Variants in ANKRD44 observed in about 807,000 individuals in gnomAD.
ANKRD44 encodes the protein serine/threonine-protein phosphatase 6 regulatory ankyrin repeat subunit B.
Under a neutral mutation model 116.0 loss-of-function variants are expected in ANKRD44, and 35 were observed. The ratio of observed to expected loss-of-function variants is 0.30; its 90% CI spans 0.23 to 0.40. ANKRD44 has a LOEUF of 0.40. Ranked by LOEUF, ANKRD44 falls within the 10% of genes least tolerant of loss-of-function variation. ANKRD44 has a pLI of 1.00. For synonymous variants in ANKRD44, 435 were observed against 461.8 expected (o/e 0.94, Z 0.74); for missense variants, 1,014 against 1,242.6 (o/e 0.82, Z 2.77).
At chr2:197,225,575 C>T (rs1302665357) in intron 1 of ANKRD44, among the ~76,000 whole-genome samples, 4 of 152,154 alleles carry the variant, frequency 2.6e-5, no homozygotes, top group Non-Finnish European at 5.9e-5. Flanking sequence ...AACTCCTGAC[C>T]TCAAGTGATC....
rs139971528 is a variant in ANKRD44 at position 197,001,158 on chromosome 2, C to T, written c.2435+595G>A. The stretch of plus-strand genomic sequence containing the variant: ...CAAATGACTCAGTTTCATATAAAGG[C>T]CAGAGACAATGTAAAGACAAAGAAT... On this transcript the variant is annotated intron_variant, in intron 22 of 27. Coordinates refer to ENST00000282272, the MANE Select transcript of ANKRD44 (RefSeq NM_001195144.2). 3.3e-3 allele frequency among the ~76,000 whole-genome samples: 495 copies of T among 152,284 alleles called. 1 individual carries two copies. The highest frequency in any genetic ancestry group is 0.012 in the South Asian group (58 of 4,824).
chr2:197,088,618 A>AATTATCAAATATAACAT, intron 12 of ANKRD44, 93 bp downstream of exon 12: 2 of 731,136 alleles, frequency 2.7e-6, no homozygotes, highest in Non-Finnish European at 4.2e-6. Context: ...TTATTTTACT[A>AATTATCAAATATAACAT]AGGAAATTGC....
Position 197,166,223 on chromosome 2 carries a change from T to G in ANKRD44, c.112-19118A>C, listed in dbSNP as rs2080098843. On this transcript the variant is annotated intron_variant, in intron 2 of 27. Coordinates refer to ENST00000282272, the MANE Select transcript of ANKRD44 (RefSeq NM_001195144.2). ...CTGCCTCCTGGATTCTGAAAGCTTTTGAGTTGGCAAGCAGGATCTGTACTT... is the reference window on the plus strand; with the variant it reads ...CTGCCTCCTGGATTCTGAAAGCTTTGGAGTTGGCAAGCAGGATCTGTACTT... Among the ~76,000 whole-genome samples, 3 of 152,234 alleles carry G rather than the reference T, an allele frequency of 2.0e-5. No homozygotes were observed. The South Asian group carries it at 6.2e-4, about 32-fold the overall frequency.
At chr2:197,163,462 T>A (rs895451997) in intron 2 of ANKRD44, among the ~76,000 whole-genome samples, 14 of 152,318 alleles carry the variant, frequency 9.2e-5, no homozygotes, top group African/African-American at 3.4e-4. Flanking sequence ...TTTAAAGATG[T>A]GGGACATTTA....
chr2:197,027,713 G>A (rs1006320161), intron 16 of ANKRD44, among the ~76,000 whole-genome samples: 4 of 144,240 alleles, frequency 2.8e-5, no homozygotes, highest in East Asian at 2.0e-4. Flanking sequence ...AAGAGACAGG[G>A]TCTCACTCTG....
chr2:197,278,069 A>T (rs1482467935), intron 1 of ANKRD44, among the ~76,000 whole-genome samples: 1 of 152,160 alleles, frequency 6.6e-6, no homozygotes, highest in Non-Finnish European at 1.5e-5. Context: ...GAGCCATCTT[A>T]ACGCAGCATC....
At chr2:196,968,226 A>C (rs549410720) in intron 21 of ANKRD44, among the ~76,000 whole-genome samples, 1 of 152,352 alleles carries the variant, frequency 6.6e-6, no homozygotes, top group Non-Finnish European at 1.5e-5. Context: ...TTATCAGAAG[A>C]GACCAAATGT....
intron 16 of ANKRD44, among the ~76,000 whole-genome samples, chr2:197,043,767 T>G (rs1049157568): frequency 2.6e-5 from 4 of 152,124 alleles, no homozygotes; most frequent in African/African-American, 9.7e-5. Context: ...GACCCTGGTT[T>G]TTTTTTTCCC....
intron 1 of ANKRD44, among the ~76,000 whole-genome samples, chr2:197,209,385 T>C (rs1181029896): frequency 1.3e-5 from 2 of 152,152 alleles, no homozygotes; most frequent in East Asian, 3.8e-4. Flanking sequence ...TGCTCTCAAG[T>C]GGGAGTGCAA....
At chr2:197,036,115 A>G (rs1388501883) in intron 16 of ANKRD44, among the ~76,000 whole-genome samples, 4 of 152,300 alleles carry the variant, frequency 2.6e-5, no homozygotes, top group South Asian at 4.1e-4. Flanking sequence ...AGAAATTGTT[A>G]TTAACAACAA....
chr2:197,152,623 TAAAAG>T (rs2079683011), intron 2 of ANKRD44, among the ~76,000 whole-genome samples: 1 of 152,074 alleles, frequency 6.6e-6, no homozygotes, highest in African/African-American at 2.4e-5. Context: ...AAGAAGCAGA[TAAAAG>T]AAAATAGGGA....
chr2:196,993,798 T>C (rs1306100688), intron 26 of ANKRD44, 124 bp from the exon 27 acceptor site: 1 of 728,628 alleles, frequency 1.4e-6, no homozygotes, highest in African/African-American at 1.8e-5. Flanking sequence ...ATGGATGTTT[T>C]TACTTAAGAA....
chr2:197,305,291 A>T (rs2084036206), intron 1 of ANKRD44, among the ~76,000 whole-genome samples: 1 of 152,188 alleles, frequency 6.6e-6, no homozygotes, highest in Non-Finnish European at 1.5e-5. Context: ...TTCAAGAGGG[A>T]CTCAGGGACC....
At chr2:197,011,206 G>A (rs2076293659) in intron 18 of ANKRD44, among the ~76,000 whole-genome samples, 1 of 152,180 alleles carries the variant, frequency 6.6e-6, no homozygotes, top group Admixed American at 6.5e-5. Flanking sequence ...GCTGAATACT[G>A]CAGATGGCAG....
At chr2:197,063,347 T>G (rs2077358834) in intron 16 of ANKRD44, among the ~76,000 whole-genome samples, 1 of 151,962 alleles carries the variant, frequency 6.6e-6, no homozygotes, top group African/African-American at 2.4e-5. Flanking sequence ...ACCACAAAGA[T>G]GGGGAAAAAA....
intron 21 of ANKRD44, among the ~76,000 whole-genome samples, chr2:196,970,988 C>A (rs2075711350): frequency 6.6e-6 from 1 of 152,224 alleles, no homozygotes; most frequent in Non-Finnish European, 1.5e-5. Flanking sequence ...CAGGCATAAG[C>A]CACCACGACT....
chr2:197,214,040 A>C (rs1383995298), intron 1 of ANKRD44, among the ~76,000 whole-genome samples: 2 of 152,222 alleles, frequency 1.3e-5, no homozygotes, highest in Non-Finnish European at 2.9e-5. Flanking sequence ...AGAAAGAATA[A>C]GATGAAGGTA....
chr2:197,066,824 G>C lies in ANKRD44; in HGVS notation c.1650+11879C>G, dbSNP rs530736983. Among the ~76,000 whole-genome samples, 23 of 152,262 alleles carry C rather than the reference G, an allele frequency of 1.5e-4. No individual in the cohort carries two copies. In the Middle Eastern group the frequency reaches 0.017, roughly 113 times the overall value. ...GAAGAACATTCCATGCTCATGGGTAGGAAGAATCAATATCGTGAAAATGGC... is the reference window on the plus strand; with the variant it reads ...GAAGAACATTCCATGCTCATGGGTACGAAGAATCAATATCGTGAAAATGGC... On this transcript the variant is annotated intron_variant, in intron 16 of 27. Transcript: ENST00000282272.
At chr2:197,285,863 C>T (rs1255216757) in intron 1 of ANKRD44, among the ~76,000 whole-genome samples, 1 of 152,244 alleles carries the variant, frequency 6.6e-6, no homozygotes, top group Non-Finnish European at 1.5e-5. Context: ...ACTATATGGT[C>T]ACCTCTGGGA....
Sources: gnomAD v4.1 joint callset for allele counts (sites outside exome capture counted in the v4.1 genomes callset) on GRCh38, gnomAD v4.1.1 for gene constraint, MANE v1.5 for transcripts, NCBI Gene and HGNC (gene_info 2026-07-23, HGNC 2026-07-21) for gene names.